The following DNM1L variants were observed in gnomAD, a reference collection of about 807,000 sequenced individuals.
The protein encoded by DNM1L is dynamin-1-like protein.
A neutral mutation model predicts 92.8 loss-of-function variants in DNM1L; 33 were observed. The ratio of observed to expected loss-of-function variants is 0.36; its 90% CI spans 0.27 to 0.48. DNM1L has a LOEUF of 0.48. DNM1L is among the 20% of genes least tolerant of loss of function. The probability of loss-of-function intolerance (pLI) is 0.99; values close to 1 mark genes in which losing one functional copy is unlikely to be tolerated. For synonymous variants in DNM1L, 284 were observed against 305.0 expected, an observed-to-expected ratio of 0.93 and a Z score of 0.72; for missense variants, 485 against 888.8, an observed-to-expected ratio of 0.55 and a Z score of 5.78.
At chr12:32,729,274 A>C (rs1381342029) in intron 9 of DNM1L, among the ~76,000 whole-genome samples, 1 of 143,612 alleles carries the variant, frequency 7.0e-6, no homozygotes, top group Non-Finnish European at 1.5e-5. Context: ...GTAGAGATGG[A>C]GTTTCACCAT....
intron 2 of DNM1L, chr12:32,705,811 C>G (rs1303589542): frequency 6.3e-7 from 1 of 1,597,098 alleles, no homozygotes; most frequent in Admixed American, 1.7e-5. Flanking sequence ...TGTGCTGTTT[C>G]TCTTTAACTA....
chr12:32,711,532 A>G (rs1185289011), intron 5 of DNM1L, among the ~76,000 whole-genome samples: 3 of 152,050 alleles, frequency 2.0e-5, no homozygotes, highest in African/African-American at 7.2e-5. Flanking sequence ...CCCCATCGCA[A>G]TAAATGGCAA....
chr12:32,682,304 G>T (rs946249923), intron 1 of DNM1L, among the ~76,000 whole-genome samples: 7 of 152,176 alleles, frequency 4.6e-5, no homozygotes, highest in Non-Finnish European at 1.0e-4. Flanking sequence ...GGCTAATTTT[G>T]TATTTTTAGT....
At chr12:32,728,021 C>A (rs1283435207) in intron 9 of DNM1L, 2 of 152,236 alleles carry the variant, frequency 1.3e-5, no homozygotes, top group East Asian at 3.8e-4. Flanking sequence ...CATTAGAACA[C>A]CTTTTTATTT....
rs763206209 is a variant in DNM1L, at chr12:32,729,945, GGGGA to G, written c.1080-1066_1080-1063del. Among the ~76,000 whole-genome samples, 15 of 152,248 alleles carry G rather than the reference GGGGA, an allele frequency of 9.9e-5. 3 individuals are homozygous for G. Among genetic ancestry groups the G allele is most frequent in the Admixed American group, 1.3e-4 (2 of 15,300 alleles). ...AAAAATAGAGAGGAAGGGATGATTTGGGGAGGCATTATAAAGGTATTTGTAGAAT... is the reference window on the plus strand; with the variant it reads ...AAAAATAGAGAGGAAGGGATGATTTGGGCATTATAAAGGTATTTGTAGAAT... On this transcript the variant is annotated intron_variant, in intron 9 of 19. Transcript: ENST00000549701.
At chr12:32,698,854 T>C (rs1952577566) in intron 1 of DNM1L, among the ~76,000 whole-genome samples, 1 of 152,104 alleles carries the variant, frequency 6.6e-6, no homozygotes, top group African/African-American at 2.4e-5. Context: ...TGTATGTATG[T>C]TAAATTTCCT....
At chr12:32,685,672 C>T (rs764968984) in intron 1 of DNM1L, among the ~76,000 whole-genome samples, 8 of 152,102 alleles carry the variant, frequency 5.3e-5, no homozygotes, top group Admixed American at 5.2e-4. Flanking sequence ...CGTGGCTGCA[C>T]CATTTCACAT....
At position 32,742,755 on chromosome 12, in the gene DNM1L, T is replaced by C. The variant is rs1955393551; in HGVS notation, c.2154+7T>C. The C allele has an allele frequency of 6.2e-7, 1 of 1,614,088 alleles. No homozygotes were observed. The highest frequency in any genetic ancestry group is 2.2e-5 in the East Asian group (1 of 44,870). ...AGCAGCTGATATGCTAAAGGTATTG[T>C]GGACCTTTTGATTTTTTATACTTGG... is the stretch of plus-strand genomic sequence containing the variant. On this transcript the variant is annotated splice_region_variant and intron_variant, in intron 19 of 19. Coordinates refer to ENST00000549701, the MANE Select transcript of DNM1L (RefSeq NM_012062.5).
At chr12:32,725,527 A>G (rs1354522996) in intron 9 of DNM1L, 4 of 152,042 alleles carry the variant, frequency 2.6e-5, no homozygotes, top group African/African-American at 7.2e-5. Context: ...CTATAACACA[A>G]TAATCCATTA....
chr12:32,735,572 AATT>A (rs1429501167), intron 13 of DNM1L, among the ~76,000 whole-genome samples: 1 of 152,206 alleles, frequency 6.6e-6, no homozygotes, highest in Non-Finnish European at 1.5e-5. Context: ...TGTCAAAAAA[AATT>A]ATTACACATG....
chr12:32,726,722 C>G (rs1185931150), intron 9 of DNM1L: 1 of 631,824 alleles, frequency 1.6e-6, no homozygotes, highest in Non-Finnish European at 2.9e-6. Flanking sequence ...CCTAGTGTTT[C>G]TGCTGCTGCT....
intron 8 of DNM1L, among the ~76,000 whole-genome samples, chr12:32,721,166 G>C (rs1208870358): frequency 6.6e-6 from 1 of 152,092 alleles, no homozygotes; most frequent in Non-Finnish European, 1.5e-5. Context: ...TATTTACCAG[G>C]AAAGGGAGAT....
At chr12:32,713,411 A>G in intron 6 of DNM1L, 40 bp downstream of exon 6, 1 of 1,606,152 alleles carries the variant, frequency 6.2e-7, no homozygotes, top group Non-Finnish European at 8.5e-7. Flanking sequence ...CTTATTTTAC[A>G]ATGGTAAATC....
chr12:32,716,735 A>C (rs955324586), intron 6 of DNM1L, among the ~76,000 whole-genome samples: 4 of 128,720 alleles, frequency 3.1e-5, no homozygotes, highest in African/African-American at 1.3e-4. Context: ...TATATACACT[A>C]TATATAGTAT....
intron 1 of DNM1L, among the ~76,000 whole-genome samples, chr12:32,681,609 C>T (rs1027948591): frequency 2.7e-5 from 4 of 149,024 alleles, no homozygotes; most frequent in African/African-American, 9.9e-5. Flanking sequence ...CCCCCGCCCC[C>T]GCCTTTTTTG....
intron 2 of DNM1L, among the ~76,000 whole-genome samples, chr12:32,702,822 C>T (rs1031850242): frequency 1.3e-5 from 2 of 151,850 alleles, no homozygotes; most frequent in African/African-American, 2.4e-5. Flanking sequence ...TATGTGGGAG[C>T]CTTTTAATTA....
intron 16 of DNM1L, among the ~76,000 whole-genome samples, chr12:32,738,986 T>C (rs557772048): frequency 1.2e-4 from 19 of 152,322 alleles, no homozygotes; most frequent in Admixed American, 3.3e-4. Context: ...TTTTATTTCA[T>C]TCATGACGTC....
intron 6 of DNM1L, among the ~76,000 whole-genome samples, chr12:32,717,977 GTATA>G (rs1228454392): frequency 6.2e-5 from 6 of 96,350 alleles, no homozygotes; most frequent in South Asian, 2.7e-4. Flanking sequence ...ATTATATATA[GTATA>G]TATAGTATGT....
chr12:32,719,402 C>T (rs1232404630), intron 7 of DNM1L, among the ~76,000 whole-genome samples: 1 of 152,046 alleles, frequency 6.6e-6, no homozygotes, highest in African/African-American at 2.4e-5. Context: ...TAATGTGCAC[C>T]CAATCGAGAA....
Sources: allele counts gnomAD v4.1 joint callset (sites outside exome capture counted in the v4.1 genomes callset), GRCh38; gene constraint gnomAD v4.1.1; transcripts MANE v1.5; gene names NCBI Gene and HGNC (gene_info 2026-07-23, HGNC 2026-07-21).